The following SVEP1 variants were observed in gnomAD, a reference collection of about 807,000 sequenced individuals.
SVEP1 encodes the protein sushi, von Willebrand factor type A, EGF and pentraxin domain containing 1.
A neutral mutation model predicts 367.3 loss-of-function variants in SVEP1; 164 were observed. That is an observed-to-expected ratio of 0.45 (90% CI 0.39 to 0.51). The LOEUF (loss-of-function observed/expected upper bound fraction) is 0.51, where lower values mean the gene tolerates loss of function less well. Among genes scored for constraint, SVEP1 ranks in the 20% least tolerant of loss-of-function variants. SVEP1 has a pLI of 0.00. For synonymous variants in SVEP1, 1,666 were observed against 1,611.6 expected, an observed-to-expected ratio of 1.03 and a Z score of -0.81; for missense variants, 4,117 against 4,425.3, an observed-to-expected ratio of 0.93 and a Z score of 1.98.
chr9:110,416,111 C>G (rs1004868007), intron 36 of SVEP1, among the ~76,000 whole-genome samples: 8 of 151,912 alleles, frequency 5.3e-5, no homozygotes, highest in African/African-American at 1.9e-4. Flanking sequence ...GCCCTGTTTA[C>G]TATAAGGGCA....
chr9:110,425,491 G>C (rs1398283164), intron 36 of SVEP1, among the ~76,000 whole-genome samples: 4 of 152,194 alleles, frequency 2.6e-5, no homozygotes, highest in Admixed American at 2.0e-4. Flanking sequence ...GCCTGTAAGA[G>C]AATGTGGCCC....
rs41278437 is a variant in SVEP1, at chr9:110,407,780, G to A, written c.7820C>T (p.Thr2607Ile). Residue 2607 changes from threonine (T) to isoleucine (I), a missense_variant, in exon 38 of 48, where the codon ACA becomes ATA. Thr to Ile is a moderately conservative substitution (Grantham distance 89, BLOSUM62 -1). Transcript: ENST00000374469. Reference protein sequence around the residue: ...EESGWSSSIPTCMPIDCGLPP... With the variant: ...EESGWSSSIPICMPIDCGLPP... ...GAGGCCACAGTCTATTGGCATACAT[G>A]TTGGGATGGAACTTGACCATCCTGA... is the stretch of plus-strand genomic sequence containing the variant. 7.4e-4 allele frequency: 1,201 copies of A among 1,614,006 alleles called. 2 individuals carry two copies. The highest frequency in any genetic ancestry group is 9.7e-4 in the Non-Finnish European group (1,140 of 1,179,884).
At chr9:110,498,034 T>A (rs1438579789) in intron 7 of SVEP1, among the ~76,000 whole-genome samples, 1 of 152,246 alleles carries the variant, frequency 6.6e-6, no homozygotes, top group Non-Finnish European at 1.5e-5. Context: ...GGACCTGGAA[T>A]CTAAAGTTTA....
intron 21 of SVEP1, 69 bp from the exon 22 acceptor site, chr9:110,455,772 T>G: frequency 8.2e-7 from 1 of 1,221,696 alleles, no homozygotes. Flanking sequence ...CTATGATCAT[T>G]TAAAGGTAAT....
intron 40 of SVEP1, among the ~76,000 whole-genome samples, chr9:110,397,752 A>C (rs1827788267): frequency 6.6e-6 from 1 of 152,172 alleles, no homozygotes; most frequent in Non-Finnish European, 1.5e-5. Context: ...ATTGCTTCAA[A>C]GGGAATAAAA....
At chr9:110,405,606 A>T (rs921614699) in intron 38 of SVEP1, among the ~76,000 whole-genome samples, 1 of 151,982 alleles carries the variant, frequency 6.6e-6, no homozygotes, top group Non-Finnish European at 1.5e-5. Context: ...TGTATTATGA[A>T]TACCTACATG....
rs924250363 is a variant in SVEP1, at chr9:110,546,372, C to T, written c.788-81G>A. 11 of 1,429,376 alleles carry T rather than the reference C, an allele frequency of 7.7e-6. No individual in the cohort carries two copies. In the African/African-American group the frequency reaches 1.3e-4, roughly 17 times the overall value. The allele number at this position is 1,429,376 out of a possible 1,614,324, so 88.5% of individuals were successfully genotyped here. A position where few individuals can be genotyped will look rare whatever the true frequency, so the allele number is the denominator to read the frequency against. ...TTCTCTGGTCATTAAAATTTAAGTG[C>T]AAGCTGGAGAAAATATCTTTCCATA... On this transcript the variant is annotated intron_variant, in intron 2 of 47. Transcript: ENST00000374469.
intron 1 of SVEP1, among the ~76,000 whole-genome samples, chr9:110,572,816 A>AAAAAAAAGAG (rs1830582107): frequency 7.2e-6 from 1 of 138,204 alleles, no homozygotes; most frequent in African/African-American, 2.6e-5. Flanking sequence ...AAAAAAAAAA[A>AAAAAAAAGAG]TGAGTACTAC....
intron 32 of SVEP1, among the ~76,000 whole-genome samples, 165 bp from the exon 33 acceptor site, chr9:110,430,615 C>G (rs997277558): frequency 6.6e-6 from 1 of 152,128 alleles, no homozygotes; most frequent in Non-Finnish European, 1.5e-5. Context: ...GACATTAGAC[C>G]AGAACATACA....
intron 14 of SVEP1, chr9:110,475,983 T>C: frequency 2.4e-6 from 1 of 415,032 alleles, no homozygotes; most frequent in Non-Finnish European, 4.2e-6. Context: ...TTTTGTCATT[T>C]TTAAGAATCC....
chr9:110,513,447 A>C (rs914880548), intron 4 of SVEP1, among the ~76,000 whole-genome samples: 2 of 152,192 alleles, frequency 1.3e-5, no homozygotes, highest in Admixed American at 6.5e-5. Flanking sequence ...AGAATAAAAC[A>C]AAGAACAAAT....
chr9:110,404,519 T>C lies in SVEP1; in HGVS notation c.9474A>G (p.Thr3158=). The part of the protein sequence containing the change: ...CLEGYTMDTD[T]DTFTCQKDGR... Reference sequence around the variant, plus strand: ...CATCTTTCTGACAGGTGAATGTATCTGTATCTGTATCCATCGTATAACCTT... The same window carrying C: ...CATCTTTCTGACAGGTGAATGTATCCGTATCTGTATCCATCGTATAACCTT... Residue 3158 remains threonine (T), a synonymous_variant, in exon 39 of 48, where the codon ACA becomes ACG. Transcript: ENST00000374469. The C allele has an allele frequency of 1.2e-6, 2 of 1,614,026 alleles. No individual in the cohort carries two copies. Among genetic ancestry groups the C allele is most frequent in the East Asian group, 4.5e-5 (2 of 44,884 alleles).
At chr9:110,458,803 G>A (rs893749833) in intron 19 of SVEP1, 149 bp downstream of exon 19, 1 of 1,003,278 alleles carries the variant, frequency 1.0e-6, no homozygotes, top group Admixed American at 2.9e-5. Context: ...TTGTGTCATG[G>A]TCATCAAAAA....
At chr9:110,410,921 CTTTGTTA>C (rs1828034498) in intron 37 of SVEP1, 135 bp downstream of exon 37, 2 of 619,882 alleles carry the variant, frequency 3.2e-6, no homozygotes, top group Non-Finnish European at 5.3e-6. Flanking sequence ...TATCATGATT[CTTTGTTA>C]GTGATAATAG....
In SVEP1 at chr9:110,411,903, GAT is replaced by G. The variant is rs1462538765; in HGVS notation, c.5976-170_5976-169del. ...TATTGATCAAATGACTTTCACTTGA[GAT>G]ATGTCAATACATTGTGATATTGTTT... On this transcript the variant is annotated intron_variant, in intron 36 of 47. Transcript: ENST00000374469. 5.9e-5 allele frequency among the ~76,000 whole-genome samples: 9 copies of G among 152,192 alleles called. No homozygotes were observed. The South Asian group carries it at 1.2e-3, about 21-fold the overall frequency.
chr9:110,455,014 A>G (rs1049830362), intron 22 of SVEP1, among the ~76,000 whole-genome samples: 6 of 152,220 alleles, frequency 3.9e-5, no homozygotes, highest in Non-Finnish European at 7.3e-5. Flanking sequence ...GCTAAAAAAT[A>G]AGATAACACT....
At chr9:110,386,480 A>G (rs1005965711) in intron 42 of SVEP1, among the ~76,000 whole-genome samples, 7 of 150,130 alleles carry the variant, frequency 4.7e-5, no homozygotes, top group Non-Finnish European at 1.0e-4. Context: ...TTGTCACCTT[A>G]CTTTCTTTTA....
intron 22 of SVEP1, among the ~76,000 whole-genome samples, chr9:110,453,145 T>A (rs940472917): frequency 6.6e-6 from 1 of 152,122 alleles, no homozygotes; most frequent in Non-Finnish European, 1.5e-5. Context: ...TTTACTAAAC[T>A]TTTTAAAATA....
chr9:110,556,548 G>C (rs973695946), intron 1 of SVEP1, among the ~76,000 whole-genome samples: 1 of 152,194 alleles, frequency 6.6e-6, no homozygotes, highest in African/African-American at 2.4e-5. Flanking sequence ...AGGCTGGAGT[G>C]CAGTGGTGTG....
Sources: gnomAD v4.1 joint callset for allele counts (sites outside exome capture counted in the v4.1 genomes callset) on GRCh38, gnomAD v4.1.1 for gene constraint, MANE v1.5 for transcripts, NCBI Gene and HGNC (gene_info 2026-07-23, HGNC 2026-07-21) for gene names.